ELMOD1: variants seen among roughly 807,000 people sequenced by gnomAD.
ELMOD1 encodes the protein ELMO domain containing 1.
Under a neutral mutation model 46.7 loss-of-function variants are expected in ELMOD1, and 21 were observed. The ratio of observed to expected loss-of-function variants is 0.45; its 90% CI spans 0.32 to 0.65. ELMOD1 has a LOEUF of 0.65. Among genes scored for constraint, ELMOD1 ranks in the 30% least tolerant of loss-of-function variants. The pLI, the probability that ELMOD1 is intolerant of heterozygous loss-of-function variation, is 0.04. For synonymous variants in ELMOD1, 122 were observed against 138.2 expected (o/e 0.88, Z 0.82); for missense variants, 348 against 407.8 (o/e 0.85, Z 1.26).
chr11:107,655,320 C>T (rs1372273607), intron 10 of ELMOD1, among the ~76,000 whole-genome samples: 1 of 152,086 alleles, frequency 6.6e-6, no homozygotes, highest in Admixed American at 6.6e-5. Context: ...GTTTCCATGT[C>T]ATTGCCATTA....
chr11:107,617,965 G>T, intron 1 of ELMOD1, 140 bp from the exon 2 acceptor site: 1 of 581,200 alleles, frequency 1.7e-6, no homozygotes, highest in Non-Finnish European at 3.1e-6. Flanking sequence ...CCATTGAATT[G>T]CATTGCTCTG....
chr11:107,642,591 C>T (rs1866345809), intron 6 of ELMOD1, among the ~76,000 whole-genome samples: 1 of 151,450 alleles, frequency 6.6e-6, no homozygotes, highest in Admixed American at 6.6e-5. Context: ...GGCTGGTCTT[C>T]AACTCCCGAC....
At chr11:107,598,041 A>G (rs190041646) in intron 1 of ELMOD1, among the ~76,000 whole-genome samples, 40 of 152,280 alleles carry the variant, frequency 2.6e-4, no homozygotes, top group African/African-American at 8.2e-4. Context: ...TGACTTTTCA[A>G]AGTATTTGTT....
At chr11:107,600,731 T>G (rs1865583286) in intron 1 of ELMOD1, 1 of 152,834 alleles carries the variant, frequency 6.5e-6, no homozygotes. Flanking sequence ...TTCCCACCCA[T>G]CTTCATCTAA....
intron 7 of ELMOD1, among the ~76,000 whole-genome samples, chr11:107,648,197 C>T (rs1866465998): frequency 6.6e-6 from 1 of 152,202 alleles, no homozygotes; most frequent in Admixed American, 6.5e-5. Flanking sequence ...GTAAGATCTA[C>T]ACATTGCACT....
Position 107,645,778 on chromosome 11 carries a change from G to C in ELMOD1, c.421-1690G>C, listed in dbSNP as rs111274814. ...TTTTTCTCTCGCCCTTTAGACAAATGAAATTTACCTGTTGTGGCACTAACA... is the reference window on the plus strand; with the variant it reads ...TTTTTCTCTCGCCCTTTAGACAAATCAAATTTACCTGTTGTGGCACTAACA... On this transcript the variant is annotated intron_variant, in intron 6 of 11. Coordinates refer to ENST00000265840, the MANE Select transcript of ELMOD1 (RefSeq NM_018712.4). Among the ~76,000 whole-genome samples, 828 of 152,264 alleles carry C rather than the reference G, an allele frequency of 5.4e-3. 7 individuals are homozygous for C. Among genetic ancestry groups the C allele is most frequent in the African/African-American group, 0.019 (787 of 41,556 alleles).
chr11:107,664,407 C>T (rs1866801186), intron 11 of ELMOD1, among the ~76,000 whole-genome samples: 1 of 152,122 alleles, frequency 6.6e-6, no homozygotes, highest in Non-Finnish European at 1.5e-5. Flanking sequence ...TTGTTTCAAT[C>T]CAGATCACTC....
intron 1 of ELMOD1, among the ~76,000 whole-genome samples, chr11:107,597,317 G>A (rs546739414): frequency 4.6e-5 from 7 of 152,192 alleles, no homozygotes; most frequent in Non-Finnish European, 8.8e-5. Flanking sequence ...AGGACATAGT[G>A]TAGAAGTCCT....
At chr11:107,645,346 C>A (rs1448992476) in intron 6 of ELMOD1, among the ~76,000 whole-genome samples, 1 of 151,232 alleles carries the variant, frequency 6.6e-6, no homozygotes, top group Non-Finnish European at 1.5e-5. Flanking sequence ...TTTTTTTAGA[C>A]GGAGTTTTGC....
chr11:107,635,696 A>C lies in ELMOD1; in HGVS notation c.351A>C (p.Ala117=), dbSNP rs767154171. 3 of 1,613,822 alleles carry C rather than the reference A, an allele frequency of 1.9e-6. No homozygotes were observed. The highest frequency in any genetic ancestry group is 2.5e-6 in the Non-Finnish European group (3 of 1,179,854). ...LQIVGYRNLI[A]DVEKLRREAY... ...TCGTTGGGTACAGGAACCTTATTGC[A>C]GATGTGGAAAAACTGCGTAGAGAGG... The change falls in exon 6 of 12, where the codon GCA becomes GCC. Residue 117 remains alanine, a synonymous_variant. Coordinates refer to ENST00000265840, the MANE Select transcript of ELMOD1 (RefSeq NM_018712.4).
At chr11:107,609,315 A>AT (rs1481964696) in intron 1 of ELMOD1, among the ~76,000 whole-genome samples, 1 of 152,256 alleles carries the variant, frequency 6.6e-6, no homozygotes, top group East Asian at 1.9e-4. Context: ...AATTAGGAAG[A>AT]TTATAAAAAT....
Position 107,635,869 on chromosome 11 carries a change from G to T in ELMOD1, c.420+104G>T, listed in dbSNP as rs533751129. 3 of 1,210,504 alleles carry T rather than the reference G, an allele frequency of 2.5e-6. No homozygotes were observed. In the South Asian group the frequency reaches 6.0e-5, roughly 24 times the overall value. 75.0% of individuals were successfully genotyped at this position (1,210,504 alleles called of 1,614,324 possible). On this transcript the variant is annotated intron_variant, in intron 6 of 11. Transcript: ENST00000265840. ...CTCTGGACATCAGGGGTACAAAGAT[G>T]GATCAGACACGGGCACCTAACTGGT...
At chr11:107,627,033 C>A (rs1866055776) in intron 2 of ELMOD1, among the ~76,000 whole-genome samples, 1 of 152,038 alleles carries the variant, frequency 6.6e-6, no homozygotes, top group Non-Finnish European at 1.5e-5. Flanking sequence ...CTGCCTGGAC[C>A]AGGTTTATAA....
chr11:107,620,892 AGAAAACATGG>A (rs2135676370), intron 2 of ELMOD1, among the ~76,000 whole-genome samples: 1 of 152,318 alleles, frequency 6.6e-6, no homozygotes, highest in East Asian at 1.9e-4. Flanking sequence ...GAAAAGAAAA[AGAAAACATGG>A]GAAAACATGG....
chr11:107,635,102 A>AT (rs945839454), intron 5 of ELMOD1, among the ~76,000 whole-genome samples: 2 of 151,950 alleles, frequency 1.3e-5, no homozygotes, highest in Non-Finnish European at 2.9e-5. Flanking sequence ...TTTTGTTTTG[A>AT]TTTTTTTCCT....
At position 107,593,482 on chromosome 11, in the gene ELMOD1, C is replaced by T. The variant is rs182163487; in HGVS notation, c.-86+2073C>T. Among the ~76,000 whole-genome samples, 6 of 152,258 alleles carry T rather than the reference C, an allele frequency of 3.9e-5. No individual in the cohort carries two copies. In the East Asian group the frequency reaches 1.2e-3, roughly 29 times the overall value. ...AAATTAAGCAGCATTTCTTAAAGCA[C>T]GTTACTGAGATGTTCAGAAAGAAAC... On this transcript the variant is annotated intron_variant, in intron 1 of 11. Transcript: ENST00000265840.
chr11:107,650,466 C>A, intron 8 of ELMOD1, 63 bp downstream of exon 8: 2 of 1,111,372 alleles, frequency 1.8e-6, no homozygotes, highest in Non-Finnish European at 2.7e-6. Context: ...ACTTCATCTC[C>A]TACATGTATC....
intron 6 of ELMOD1, among the ~76,000 whole-genome samples, chr11:107,639,252 A>G (rs2155357): frequency 0.25 from 38,660 of 152,082 alleles, 5,065 homozygotes; most frequent in Middle Eastern, 0.32. Context: ...CCACATGTTT[A>G]AGTGCTTGGC....
At chr11:107,664,975 T>C in intron 11 of ELMOD1, 50 bp from the exon 12 acceptor site, 1 of 1,535,012 alleles carries the variant, frequency 6.5e-7, no homozygotes, top group Non-Finnish European at 8.9e-7. Flanking sequence ...TGAATGTGAT[T>C]AAGGATTTTT....
Sources: gnomAD v4.1 joint callset for allele counts (sites outside exome capture counted in the v4.1 genomes callset) on GRCh38, gnomAD v4.1.1 for gene constraint, MANE v1.5 for transcripts, NCBI Gene and HGNC (gene_info 2026-07-23, HGNC 2026-07-21) for gene names.